The following MEIS2 variants were observed in gnomAD, a reference collection of about 807,000 sequenced individuals.
MEIS2 encodes the protein homeobox protein Meis2.
A neutral mutation model predicts 58.6 loss-of-function variants in MEIS2; 9 were observed. The observed-to-expected ratio is 0.15, with a 90% CI of 0.09 to 0.27. The LOEUF (loss-of-function observed/expected upper bound fraction) is 0.27. MEIS2 is among the 10% of genes least tolerant of loss of function. The probability of loss-of-function intolerance (pLI) is 1.00; values close to 1 mark genes in which losing one functional copy is unlikely to be tolerated. For synonymous variants in MEIS2, 221 were observed against 228.4 expected (o/e 0.97, Z 0.29); for missense variants, 427 against 635.0 (o/e 0.67, Z 3.52).
intron 8 of MEIS2, among the ~76,000 whole-genome samples, chr15:36,961,524 A>G (rs896685416): frequency 6.6e-6 from 1 of 152,174 alleles, no homozygotes; most frequent in Non-Finnish European, 1.5e-5. Context: ...ACGGACTAAA[A>G]GAAAGTACAG....
chr15:36,921,038 C>A (rs1201801434), intron 9 of MEIS2, among the ~76,000 whole-genome samples: 1 of 152,152 alleles, frequency 6.6e-6, no homozygotes, highest in African/African-American at 2.4e-5. Context: ...TCATTTTTAA[C>A]CTCGAAGAGC....
chr15:36,960,684 A>T (rs2059150658), intron 8 of MEIS2, among the ~76,000 whole-genome samples: 1 of 152,168 alleles, frequency 6.6e-6, no homozygotes, highest in Non-Finnish European at 1.5e-5. Flanking sequence ...ACAAGTAGAC[A>T]CTTAGACGAA....
chr15:36,896,193 T>C (rs1252089948), intron 10 of MEIS2, among the ~76,000 whole-genome samples: 1 of 152,238 alleles, frequency 6.6e-6, no homozygotes, highest in African/African-American at 2.4e-5. Context: ...CAGGCTTTAA[T>C]AGGATATTAT....
At chr15:36,964,636 A>G (rs2141441595) in intron 8 of MEIS2, among the ~76,000 whole-genome samples, 1 of 152,340 alleles carries the variant, frequency 6.6e-6, no homozygotes, top group Middle Eastern at 3.4e-3. Flanking sequence ...AACCTGTAGA[A>G]AGCCCCATAG....
At chr15:36,923,198 G>C (rs1246445732) in intron 9 of MEIS2, among the ~76,000 whole-genome samples, 3 of 152,160 alleles carry the variant, frequency 2.0e-5, no homozygotes, top group Non-Finnish European at 4.4e-5. Context: ...CCTGAATTAA[G>C]GCCATTGTAC....
At chr15:37,090,837 T>A (rs568869395) in intron 6 of MEIS2, among the ~76,000 whole-genome samples, 1 of 152,168 alleles carries the variant, frequency 6.6e-6, no homozygotes. Context: ...TCATTATTCA[T>A]AGCCAATAAG....
chr15:37,007,058 G>C (rs1317547951), intron 8 of MEIS2, among the ~76,000 whole-genome samples: 1 of 152,182 alleles, frequency 6.6e-6, no homozygotes. Flanking sequence ...CATGTGAAAT[G>C]AGAATAATAA....
intron 8 of MEIS2, among the ~76,000 whole-genome samples, chr15:36,982,460 T>C (rs2059958681): frequency 6.6e-6 from 1 of 152,222 alleles, no homozygotes; most frequent in African/African-American, 2.4e-5. Flanking sequence ...TTCATCCATG[T>C]TGTCACAAAT....
chr15:36,937,496 T>G (rs536763138), intron 9 of MEIS2, among the ~76,000 whole-genome samples: 40 of 152,376 alleles, frequency 2.6e-4, no homozygotes, highest in African/African-American at 7.9e-4. Context: ...GCACAGTTTC[T>G]ACATAAAAGC....
chr15:36,912,850 A>C (rs557855501), intron 9 of MEIS2, among the ~76,000 whole-genome samples: 1 of 151,908 alleles, frequency 6.6e-6, no homozygotes, highest in Non-Finnish European at 1.5e-5. Flanking sequence ...AAAAAAAAGA[A>C]AAAAAAGGTG....
intron 9 of MEIS2, among the ~76,000 whole-genome samples, chr15:36,931,090 A>G (rs943379644): frequency 1.3e-5 from 2 of 152,108 alleles, no homozygotes; most frequent in Non-Finnish European, 2.9e-5. Context: ...ATTTCCTTTC[A>G]CTAGTTTTGA....
intron 8 of MEIS2, among the ~76,000 whole-genome samples, chr15:36,955,900 G>A (rs1203219877): frequency 6.6e-6 from 1 of 151,526 alleles, no homozygotes; most frequent in East Asian, 1.9e-4. Context: ...TTTTGGGGCC[G>A]GGTGCGGTGG....
At chr15:37,026,525 G>T (rs1189647676) in intron 8 of MEIS2, among the ~76,000 whole-genome samples, 1 of 152,132 alleles carries the variant, frequency 6.6e-6, no homozygotes, top group African/African-American at 2.4e-5. Flanking sequence ...TGATAACAGA[G>T]GTATTTAAAT....
At chr15:37,052,026 T>G (rs1314381398) in intron 7 of MEIS2, among the ~76,000 whole-genome samples, 3 of 152,160 alleles carry the variant, frequency 2.0e-5, no homozygotes, top group Non-Finnish European at 2.9e-5. Context: ...AAAGTAATTC[T>G]TAATAAATTG....
intron 9 of MEIS2, among the ~76,000 whole-genome samples, chr15:36,904,621 A>C (rs2056635265): frequency 7.4e-6 from 1 of 135,914 alleles, no homozygotes; most frequent in Admixed American, 8.0e-5. Flanking sequence ...AAAGAGATAA[A>C]AGGATTACAT....
intron 5 of MEIS2, 49 bp from the exon 6 acceptor site, chr15:37,093,779 T>C: frequency 6.2e-7 from 1 of 1,601,222 alleles, no homozygotes; most frequent in Non-Finnish European, 8.5e-7. Context: ...GTTGTTGTTG[T>C]TGTTTTGTTT....
At chr15:36,910,070 G>A (rs1376098301) in intron 9 of MEIS2, among the ~76,000 whole-genome samples, 1 of 152,058 alleles carries the variant, frequency 6.6e-6, no homozygotes, top group Non-Finnish European at 1.5e-5. Flanking sequence ...CAGGCATGGT[G>A]GCTTGTATCT....
chr15:37,098,423 A>AGAGAGAGAGAGAGAGAGG lies in MEIS2; in HGVS notation c.13-225_13-224insCCTCTCTCTCTCTCTCTC, dbSNP rs1555474187. ...GAGAGAGAGAGAGAGAGAGAGAGAG[A>AGAGAGAGAGAGAGAGAGG]GAAAATAAAAATAAAAACAAAGTCA... On this transcript the variant is annotated intron_variant, in intron 1 of 11. Transcript: ENST00000561208. 1.3e-5 allele frequency: 15 copies of AGAGAGAGAGAGAGAGAGG among 1,194,718 alleles called. No individual in the cohort carries two copies. In the African/African-American group the frequency reaches 2.4e-4, roughly 19 times the overall value. 74.0% of individuals were successfully genotyped at this position (1,194,718 alleles called of 1,614,324 possible).
At chr15:37,079,043 T>C (rs1387194048) in intron 7 of MEIS2, among the ~76,000 whole-genome samples, 1 of 152,148 alleles carries the variant, frequency 6.6e-6, no homozygotes, top group African/African-American at 2.4e-5. Context: ...TGGTTACTAC[T>C]CTAAAAAGTC....
Sources: allele counts gnomAD v4.1 joint callset (sites outside exome capture counted in the v4.1 genomes callset), GRCh38; gene constraint gnomAD v4.1.1; transcripts MANE v1.5; gene names NCBI Gene and HGNC (gene_info 2026-07-23, HGNC 2026-07-21).